The following TRIO variants were observed in gnomAD, a reference collection of about 807,000 sequenced individuals.
TRIO encodes triple functional domain protein.
TRIO carries 58 observed loss-of-function variants against 351.9 expected under a neutral mutation model. That is an observed-to-expected ratio of 0.16 (90% CI 0.13 to 0.21). TRIO has a LOEUF of 0.21. TRIO is among the 10% of genes least tolerant of loss of function. TRIO has a pLI of 1.00. For missense variants in TRIO, 3,201 were observed against 4,027.8 expected (o/e 0.79, Z 5.56); for synonymous variants, 1,758 against 1,595.7 (o/e 1.10, Z -2.42).
intron 34 of TRIO, among the ~76,000 whole-genome samples, chr5:14,430,216 C>A (rs867577385): frequency 0.029 from 3,440 of 116,924 alleles, no homozygotes; most frequent in Non-Finnish European, 0.038. Flanking sequence ...ACCCAAATAG[C>A]AAAAAAAAAA....
chr5:14,205,365 AAC>A (rs1484229542), intron 1 of TRIO, among the ~76,000 whole-genome samples: 1 of 152,244 alleles, frequency 6.6e-6, no homozygotes, highest in Non-Finnish European at 1.5e-5. Context: ...TGTAGCAGCT[AAC>A]AGTTTCATTC....
intron 8 of TRIO, among the ~76,000 whole-genome samples, chr5:14,308,848 C>G (rs544415732): frequency 1.3e-4 from 19 of 151,870 alleles, no homozygotes; most frequent in African/African-American, 4.1e-4. Context: ...CCATATCCAT[C>G]CATCTGCCGT....
chr5:14,305,294 C>A (rs1738263285), intron 8 of TRIO, among the ~76,000 whole-genome samples: 1 of 152,234 alleles, frequency 6.6e-6, no homozygotes, highest in South Asian at 2.1e-4. Flanking sequence ...GTGGTAGCTG[C>A]TTGATGATGC....
At chr5:14,457,629 A>C (rs1019440378) in intron 34 of TRIO, among the ~76,000 whole-genome samples, 9 of 152,060 alleles carry the variant, frequency 5.9e-5, no homozygotes, top group Non-Finnish European at 1.2e-4. Context: ...CCTGGGAATC[A>C]TCCTTGTAAC....
At chr5:14,261,649 C>G (rs1234501657) in intron 1 of TRIO, among the ~76,000 whole-genome samples, 4 of 152,170 alleles carry the variant, frequency 2.6e-5, no homozygotes, top group African/African-American at 9.7e-5. Context: ...CTGTGAGGCT[C>G]TGTGTTTCCT....
intron 1 of TRIO, among the ~76,000 whole-genome samples, chr5:14,185,982 A>G (rs998573162): frequency 3.3e-5 from 5 of 152,254 alleles, no homozygotes; most frequent in Non-Finnish European, 5.9e-5. Flanking sequence ...AAATGTTTTC[A>G]GAATATTTTC....
Position 14,363,711 on chromosome 5 carries a change from A to T in TRIO, c.2392-21A>T, listed in dbSNP as rs1288694195. On this transcript the variant is annotated intron_variant, in intron 13 of 56. Coordinates refer to ENST00000344204, the MANE Select transcript of TRIO (RefSeq NM_007118.4). ...CTGCATGTATATTTTTTTTGTCTTG[A>T]TCTTAAATACCTTCTTTCAGATTAT... 22 of 1,601,864 alleles carry T rather than the reference A, an allele frequency of 1.4e-5. No individual in the cohort carries two copies. In the Admixed American group the frequency reaches 2.1e-4, roughly 15 times the overall value.
rs535328587 is a variant in TRIO, at chr5:14,271,446, C to G, written c.232+547C>G. 4.6e-5 allele frequency among the ~76,000 whole-genome samples: 7 copies of G among 152,282 alleles called. No homozygotes were observed. The South Asian group carries it at 1.5e-3, about 32-fold the overall frequency. On this transcript the variant is annotated intron_variant, in intron 2 of 56. Transcript: ENST00000344204. ...GAGTCTGTTTCCCTGTAGACCCAGT[C>G]TTTGAGGCCCTGGCCCGCCCGCAGA...
In TRIO at chr5:14,497,896, C is replaced by A; in HGVS notation, c.8047+22C>A. On this transcript the variant is annotated intron_variant, in intron 51 of 56. Coordinates refer to ENST00000344204, the MANE Select transcript of TRIO (RefSeq NM_007118.4). This position sits in a 1 kb window ranked among gnomAD's most constrained non-coding sequence, Gnocchi z 4.4. ...GACGGTGAGTTCTGTTCTTTTTCTT[C>A]TAGTCCTAGAGATGATTCTAGACCT... The A allele has an allele frequency of 6.2e-7, 1 of 1,614,146 alleles. No individual in the cohort carries two copies. The highest frequency in any genetic ancestry group is 8.5e-7 in the Non-Finnish European group (1 of 1,180,000).
At chr5:14,382,203 G>A (rs1406004573) in intron 21 of TRIO, among the ~76,000 whole-genome samples, 1 of 152,208 alleles carries the variant, frequency 6.6e-6, no homozygotes, top group Non-Finnish European at 1.5e-5. Context: ...CTATAAAGTA[G>A]CAAGATTGGT....
At chr5:14,298,478 G>T (rs568426183) in intron 7 of TRIO, among the ~76,000 whole-genome samples, 5 of 152,280 alleles carry the variant, frequency 3.3e-5, no homozygotes, top group Admixed American at 2.0e-4. Flanking sequence ...GTTAATTTTT[G>T]GGGGAAAGAC....
At chr5:14,174,015 A>G (rs1204793513) in intron 1 of TRIO, among the ~76,000 whole-genome samples, 1 of 152,250 alleles carries the variant, frequency 6.6e-6, no homozygotes, top group Non-Finnish European at 1.5e-5. Context: ...TGTTGTAGGA[A>G]AGTAAGACAG....
chr5:14,239,965 T>C (rs906070035), intron 1 of TRIO, among the ~76,000 whole-genome samples: 6 of 152,220 alleles, frequency 3.9e-5, no homozygotes, highest in Non-Finnish European at 5.9e-5. Flanking sequence ...TCGTATATAA[T>C]TTAGAAGTTG....
chr5:14,382,008 T>C (rs1020994243), intron 21 of TRIO, among the ~76,000 whole-genome samples: 8 of 152,204 alleles, frequency 5.3e-5, no homozygotes, highest in African/African-American at 1.9e-4. Context: ...CAAGTCACCA[T>C]TACAACCTGT....
chr5:14,383,013 C>T (rs775509561), intron 21 of TRIO, among the ~76,000 whole-genome samples: 1 of 152,108 alleles, frequency 6.6e-6, no homozygotes, highest in East Asian at 1.9e-4. Flanking sequence ...TGCAGTGGCA[C>T]CATAATGGCT....
chr5:14,463,550 A>G (rs532417953), intron 36 of TRIO, among the ~76,000 whole-genome samples: 3 of 152,292 alleles, frequency 2.0e-5, no homozygotes, highest in Admixed American at 6.5e-5. Flanking sequence ...TGTCAGCCCA[A>G]TTGTAGAGCC....
chr5:14,492,482 G>C, intron 48 of TRIO, 85 bp from the exon 49 acceptor site: 1 of 1,554,572 alleles, frequency 6.4e-7, no homozygotes, highest in Non-Finnish European at 8.7e-7. Context: ...TGGTGCCATG[G>C]GGCACACTGA....
chr5:14,367,103 G>A (rs1413346551), intron 16 of TRIO, 124 bp downstream of exon 16: 3 of 1,381,576 alleles, frequency 2.2e-6, no homozygotes, highest in African/African-American at 2.9e-5. Context: ...ACGACTCAGA[G>A]GACCCAAATT....
chr5:14,265,583 G>A (rs1795625989), intron 1 of TRIO, among the ~76,000 whole-genome samples: 1 of 152,124 alleles, frequency 6.6e-6, no homozygotes, highest in East Asian at 1.9e-4. Flanking sequence ...ATAAATCGGA[G>A]AGGGGCTTGT....
Sources: allele counts gnomAD v4.1 joint callset (sites outside exome capture counted in the v4.1 genomes callset), GRCh38; gene constraint gnomAD v4.1.1; non-coding constraint Gnocchi (gnomAD v3.1); transcripts MANE v1.5; gene names NCBI Gene and HGNC (gene_info 2026-07-23, HGNC 2026-07-21).